The following PAX3 variants were observed in gnomAD, a reference collection of about 807,000 sequenced individuals.
The protein encoded by PAX3 is paired box 3.
A neutral mutation model predicts 51.6 loss-of-function variants in PAX3; 14 were observed. The observed-to-expected ratio is 0.27, with a 90% CI of 0.18 to 0.42. The LOEUF (loss-of-function observed/expected upper bound fraction) is 0.42. PAX3 is among the 10% of genes least tolerant of loss of function. The pLI is 1.00. For missense variants in PAX3, 540 were observed against 642.8 expected (o/e 0.84, Z 1.73); for synonymous variants, 280 against 253.4 (o/e 1.11, Z -1.00).
At chr2:222,219,769 T>C (rs1308369419) in intron 7 of PAX3, among the ~76,000 whole-genome samples, 1 of 152,136 alleles carries the variant, frequency 6.6e-6, no homozygotes, top group Non-Finnish European at 1.5e-5. Flanking sequence ...ATTGAAACCT[T>C]ATCAATTTTA....
rs1695461922 is a variant in PAX3, at chr2:222,298,927, C to T, written c.-312G>A. On this transcript the variant is annotated 5_prime_UTR_variant, in exon 1 of 9. The change creates a new upstream start codon in the 5' untranslated region. Coordinates refer to ENST00000392070, the MANE Select transcript of PAX3 (RefSeq NM_181458.4). Reference sequence around the variant, plus strand: ...CCTGAAAAGGGGGCTCAGAGAGCCACGGCGAGCCGGGGAGCCTGGTGAGGC... The same window carrying T: ...CCTGAAAAGGGGGCTCAGAGAGCCATGGCGAGCCGGGGAGCCTGGTGAGGC... 1 of 488,484 alleles carries T rather than the reference C, an allele frequency of 2.0e-6. No homozygotes were observed. Among genetic ancestry groups the T allele is most frequent in the Non-Finnish European group, 3.7e-6 (1 of 268,976 alleles). 30.3% of individuals were successfully genotyped at this position (488,484 alleles called of 1,614,324 possible). A position where few individuals can be genotyped will look rare whatever the true frequency, so the allele number is the denominator to read the frequency against.
chr2:222,236,453 G>A (rs1243426007), intron 4 of PAX3, among the ~76,000 whole-genome samples: 1 of 152,050 alleles, frequency 6.6e-6, no homozygotes, highest in Non-Finnish European at 1.5e-5. Context: ...GCACATAGGA[G>A]GGCCATTTTT....
At position 222,284,372 on chromosome 2, in the gene PAX3, A is replaced by G. The variant is rs114699608; in HGVS notation, c.586+9795T>C. Among the ~76,000 whole-genome samples the G allele has an allele frequency of 4.4e-3, 673 of 152,376 alleles. 7 individuals carry two copies. The highest frequency in any genetic ancestry group is 0.015 in the African/African-American group (617 of 41,590). ...TGCTGAAAAAACTTGTGCCAAATAC[A>G]AAGAAAAGTTTGAGTTGGAGTTTCA... is the stretch of plus-strand genomic sequence containing the variant. On this transcript the variant is annotated intron_variant, in intron 4 of 8. Transcript: ENST00000392070.
chr2:222,249,076 A>AAACTGTAACATTCATGT (rs1173352426), intron 4 of PAX3, among the ~76,000 whole-genome samples: 1 of 152,164 alleles, frequency 6.6e-6, no homozygotes, highest in Non-Finnish European at 1.5e-5. Flanking sequence ...CGTGTTTAGT[A>AAACTGTAACATTCATGT]AACTGTAACA....
chr2:222,212,634 C>CACACAA (rs1030066492), intron 7 of PAX3, among the ~76,000 whole-genome samples: 2 of 151,050 alleles, frequency 1.3e-5, no homozygotes, highest in Non-Finnish European at 2.9e-5. Flanking sequence ...CACACACACA[C>CACACAA]ACACACACAC....
At chr2:222,229,256 TTAA>T (rs756371980) in intron 5 of PAX3, among the ~76,000 whole-genome samples, 11 of 149,954 alleles carry the variant, frequency 7.3e-5, no homozygotes, top group Admixed American at 2.0e-4. Flanking sequence ...TATAGTAATA[TTAA>T]TGTTATGTTA....
intron 4 of PAX3, among the ~76,000 whole-genome samples, chr2:222,256,786 G>A (rs1327247715): frequency 6.6e-6 from 1 of 152,186 alleles, no homozygotes; most frequent in Non-Finnish European, 1.5e-5. Context: ...CATCATCTCA[G>A]AAAGCAGTCA....
intron 4 of PAX3, among the ~76,000 whole-genome samples, chr2:222,280,392 GAAAAAGAAAGAAAGAAAGA>G (rs1488831889): frequency 1.3e-4 from 18 of 133,796 alleles, no homozygotes; most frequent in Non-Finnish European, 2.4e-4. Flanking sequence ...AGGAAGGAAG[GAAAAAGAAAGAAAGAAAGA>G]AAAAAGAAAG....
intron 4 of PAX3, among the ~76,000 whole-genome samples, chr2:222,285,802 TA>T (rs1397503676): frequency 6.6e-6 from 1 of 152,266 alleles, no homozygotes; most frequent in Non-Finnish European, 1.5e-5. Flanking sequence ...TAAGTTTTGA[TA>T]AAACTATACT....
In PAX3 at chr2:222,294,261, T is replaced by C. The variant is rs769266836; in HGVS notation, c.492A>G (p.Lys164=). Residue 164 remains lysine, a synonymous_variant, in exon 4 of 9, where the codon AAA becomes AAG. Transcript: ENST00000392070. ...CCAAGTCGGCCTCCTCCTCTTCACC[T>C]TTCCCGAATTTACTTCTCAGGATGC... The part of the protein sequence containing the change: ...ISRILRSKFG[K]GEEEEADLER... The C allele has an allele frequency of 2.0e-5, 32 of 1,614,114 alleles. No individual in the cohort carries two copies. Among genetic ancestry groups the C allele is most frequent in the Non-Finnish European group, 2.4e-5 (28 of 1,180,040 alleles).
intron 4 of PAX3, among the ~76,000 whole-genome samples, chr2:222,269,322 T>C (rs544918554): frequency 2.4e-4 from 36 of 152,328 alleles, no homozygotes; most frequent in African/African-American, 8.4e-4. Context: ...ACCCTTGCCC[T>C]GAATGCCTTA....
chr2:222,275,336 A>G (rs45617131), intron 4 of PAX3, among the ~76,000 whole-genome samples: 18,484 of 152,174 alleles, frequency 0.12, 1,560 homozygotes, highest in Non-Finnish European at 0.18. Context: ...CCTATTTAAG[A>G]TAAACTACAA....
rs10169087 is a variant in PAX3, at chr2:222,216,855, C to A, written c.1173+3285G>T. Among the ~76,000 whole-genome samples the A allele has an allele frequency of 9.4e-3, 1,438 of 152,242 alleles. 8 individuals are homozygous for A. The highest frequency in any genetic ancestry group is 0.012 in the Non-Finnish European group (836 of 67,992). ...ACAATTTCCAAGTGTGGATGGCAAA[C>A]AATACATCAATTTCAATGGCTCTAG... On this transcript the variant is annotated intron_variant, in intron 7 of 8. Coordinates refer to ENST00000392070, the MANE Select transcript of PAX3 (RefSeq NM_181458.4).
Position 222,298,680 on chromosome 2 carries a change from G to T in PAX3, c.-65C>A, listed in dbSNP as rs1695443440. ...GGCGAAACGGAAAGGCGAGTGCGGC[G>T]CGGATGACCCTCGGGAACTATCCGG... On this transcript the variant is annotated 5_prime_UTR_variant, in exon 1 of 9. Transcript: ENST00000392070. 3 of 1,446,174 alleles carry T rather than the reference G, an allele frequency of 2.1e-6. No homozygotes were observed. The highest frequency in any genetic ancestry group is 1.4e-5 in the African/African-American group (1 of 71,060). 89.6% of individuals were successfully genotyped at this position (1,446,174 alleles called of 1,614,324 possible). A position where few individuals can be genotyped will look rare whatever the true frequency, so the allele number is the denominator to read the frequency against.
intron 7 of PAX3, among the ~76,000 whole-genome samples, chr2:222,203,940 A>C (rs968328876): frequency 2.0e-5 from 3 of 152,196 alleles, no homozygotes; most frequent in Non-Finnish European, 2.9e-5. Context: ...TCTCTCTTTC[A>C]TTTGAGTTAT....
At chr2:222,243,291 T>G (rs981199232) in intron 4 of PAX3, among the ~76,000 whole-genome samples, 5 of 152,234 alleles carry the variant, frequency 3.3e-5, no homozygotes, top group African/African-American at 1.2e-4. Flanking sequence ...TGCAGAATCC[T>G]TGAAAGGAGC....
At chr2:222,275,145 C>T (rs796295981) in intron 4 of PAX3, among the ~76,000 whole-genome samples, 56 of 152,164 alleles carry the variant, frequency 3.7e-4, no homozygotes, top group Middle Eastern at 6.8e-3. Flanking sequence ...GATCTGAGTA[C>T]AGGATAATCA....
At chr2:222,294,641 C>T (rs1488787451) in intron 3 of PAX3, among the ~76,000 whole-genome samples, 1 of 151,792 alleles carries the variant, frequency 6.6e-6, no homozygotes, top group African/African-American at 2.4e-5. Flanking sequence ...GGCTCTAGGT[C>T]TGCAATCTAA....
chr2:222,238,536 A>G (rs1559277222), intron 4 of PAX3, among the ~76,000 whole-genome samples: 2 of 152,230 alleles, frequency 1.3e-5, no homozygotes, highest in African/African-American at 2.4e-5. Flanking sequence ...GAATCAAAAC[A>G]TGACAACCAT....
Sources: gnomAD v4.1 joint callset for allele counts (sites outside exome capture counted in the v4.1 genomes callset) on GRCh38, gnomAD v4.1.1 for gene constraint, MANE v1.5 for transcripts, NCBI Gene and HGNC (gene_info 2026-07-23, HGNC 2026-07-21) for gene names.